The following AHCTF1 variants were observed in gnomAD, a reference collection of about 807,000 sequenced individuals.
The protein encoded by AHCTF1 is protein ELYS.
Under a neutral mutation model 248.4 loss-of-function variants are expected in AHCTF1, and 24 were observed. The observed-to-expected ratio is 0.10, with a 90% CI of 0.07 to 0.14. AHCTF1 has a LOEUF of 0.14. AHCTF1 is among the 10% of genes least tolerant of loss of function. The pLI, the probability that AHCTF1 is intolerant of heterozygous loss-of-function variation, is 1.00. For missense variants in AHCTF1, 2,206 were observed against 2,636.2 expected (o/e 0.84, Z 3.57); for synonymous variants, 786 against 929.8 (o/e 0.85, Z 2.81).
intron 21 of AHCTF1, among the ~76,000 whole-genome samples, chr1:246,879,497 T>C (rs1482972404): frequency 6.6e-6 from 1 of 152,106 alleles, no homozygotes; most frequent in Non-Finnish European, 1.5e-5. Context: ...TGGCTAAAGG[T>C]TGAAACAACC....
At chr1:246,901,198 G>A (rs769753380) in intron 8 of AHCTF1, among the ~76,000 whole-genome samples, 2 of 152,046 alleles carry the variant, frequency 1.3e-5, no homozygotes, top group Non-Finnish European at 2.9e-5. Context: ...AAAATTAGCC[G>A]GGCATTGTGG....
chr1:246,868,807 C>G (rs532932126), intron 24 of AHCTF1, among the ~76,000 whole-genome samples: 1 of 150,668 alleles, frequency 6.6e-6, no homozygotes, highest in African/African-American at 2.4e-5. Context: ...AGGTCTACCT[C>G]ATTTTATTGT....
At chr1:246,843,988 A>T (rs1660067471) in intron 33 of AHCTF1, 60 bp from the exon 34 acceptor site, 1 of 1,169,654 alleles carries the variant, frequency 8.5e-7, no homozygotes, top group Non-Finnish European at 1.1e-6. Flanking sequence ...ATATATAAAC[A>T]CAATAAAAAC....
At chr1:246,907,828 T>C in intron 4 of AHCTF1, 70 bp from the exon 5 acceptor site, 1 of 1,292,020 alleles carries the variant, frequency 7.7e-7, no homozygotes, top group Non-Finnish European at 1.1e-6. Context: ...ATGTCATCCA[T>C]TATTCAAGCT....
intron 31 of AHCTF1, 148 bp from the exon 32 acceptor site, chr1:246,853,447 A>G (rs1426758913): frequency 1.7e-6 from 1 of 597,612 alleles, no homozygotes. Context: ...AACTTCTTAA[A>G]CAATACACAC....
rs1008589172 is a variant in AHCTF1, at chr1:246,905,476, A to G, written c.881+65T>C. The G allele has an allele frequency of 5.0e-5, 66 of 1,321,954 alleles. No homozygotes were observed. In the African/African-American group the frequency reaches 7.8e-4, roughly 16 times the overall value. 81.9% of individuals were successfully genotyped at this position (1,321,954 alleles called of 1,614,324 possible). Reference sequence around the variant, plus strand: ...CACGCCACTGCACTCCAGCCTGGACAACAGAGCGAGACTCTGTCTCCAAAA... The same window carrying G: ...CACGCCACTGCACTCCAGCCTGGACGACAGAGCGAGACTCTGTCTCCAAAA... On this transcript the variant is annotated intron_variant, in intron 6 of 35. Transcript: ENST00000648844.
At position 246,888,496 on chromosome 1, in the gene AHCTF1, G is replaced by A. The variant is rs1205112766; in HGVS notation, c.2166C>T (p.Cys722=). 1.9e-6 allele frequency: 3 copies of A among 1,613,744 alleles called. No homozygotes were observed. Among genetic ancestry groups the A allele is most frequent in the South Asian group, 2.2e-5 (2 of 91,066 alleles). The change falls in exon 18 of 36, where the codon TGC becomes TGT. Residue 722 remains cysteine (C), a synonymous_variant. Coordinates refer to ENST00000648844, the MANE Select transcript of AHCTF1 (RefSeq NM_001323342.2). Reference sequence around the variant, plus strand: ...GAGAAACCAGTCCATCAATCATCAAGCAATCGGGATTCCACTTCCCTCTGC... The same window carrying A: ...GAGAAACCAGTCCATCAATCATCAAACAATCGGGATTCCACTTCCCTCTGC... ...RLSRGKWNPD[C]LMIDGLVSQL... is the part of the protein sequence containing the mutation.
intron 24 of AHCTF1, among the ~76,000 whole-genome samples, chr1:246,869,256 C>T (rs368246638): frequency 2.0e-5 from 3 of 152,176 alleles, no homozygotes; most frequent in East Asian, 1.9e-4. Flanking sequence ...AACTGTTCCC[C>T]CGCGTCTCTC....
chr1:246,902,433 G>C, intron 8 of AHCTF1, 92 bp downstream of exon 8: 1 of 1,455,558 alleles, frequency 6.9e-7, no homozygotes. Flanking sequence ...CCAATTTTCT[G>C]AACTGCCAGG....
chr1:246,918,594 C>T (rs954521287), intron 1 of AHCTF1, among the ~76,000 whole-genome samples: 2 of 152,144 alleles, frequency 1.3e-5, no homozygotes, highest in African/African-American at 4.8e-5. Context: ...CCCAGAAGTT[C>T]GAGGCTGCGC....
intron 14 of AHCTF1, among the ~76,000 whole-genome samples, chr1:246,893,070 A>G (rs118170973): frequency 6.6e-6 from 1 of 152,198 alleles, no homozygotes; most frequent in Non-Finnish European, 1.5e-5. Context: ...CTGAACTACC[A>G]AGTTAAACCC....
intron 16 of AHCTF1, among the ~76,000 whole-genome samples, chr1:246,890,558 A>ATTTAATT (rs1356454587): frequency 6.6e-6 from 1 of 152,108 alleles, no homozygotes; most frequent in East Asian, 1.9e-4. Context: ...ACTAGATAAA[A>ATTTAATT]GGGGGTATTT....
chr1:246,886,640 T>C (rs1333844194), intron 20 of AHCTF1, among the ~76,000 whole-genome samples: 2 of 152,136 alleles, frequency 1.3e-5, no homozygotes, highest in Non-Finnish European at 2.9e-5. Flanking sequence ...GCCACGGATG[T>C]AGAATCCATG....
chr1:246,861,400 A>C, intron 28 of AHCTF1, 105 bp from the exon 29 acceptor site: 1 of 1,056,434 alleles, frequency 9.5e-7, no homozygotes, highest in Non-Finnish European at 1.3e-6. Flanking sequence ...TGTTGTTTTT[A>C]CCCAAATTCT....
chr1:246,857,452 CA>C (rs1205580020), intron 30 of AHCTF1, among the ~76,000 whole-genome samples: 3 of 152,182 alleles, frequency 2.0e-5, no homozygotes, highest in African/African-American at 7.2e-5. Flanking sequence ...TCAACAAAAA[CA>C]GAATCACCAG....
chr1:246,905,760 C>T lies in AHCTF1; in HGVS notation c.765-103G>A, dbSNP rs1665344282. 7 of 795,924 alleles carry T rather than the reference C, an allele frequency of 8.8e-6. No homozygotes were observed. The South Asian group carries it at 1.0e-4, about 12-fold the overall frequency. 49.3% of individuals were successfully genotyped at this position (795,924 alleles called of 1,614,324 possible). A position where few individuals can be genotyped will look rare whatever the true frequency, so the allele number is the denominator to read the frequency against. On this transcript the variant is annotated intron_variant, in intron 5 of 35. Transcript: ENST00000648844. ...TTAGGCAACCACTGTTCCTACACTT[C>T]CCCAGAATAAGTGATCTGTGGGCCA...
chr1:246,853,318 A>C lies in AHCTF1; in HGVS notation c.4355-19T>G. The C allele has an allele frequency of 1.3e-6, 2 of 1,585,266 alleles. No individual in the cohort carries two copies. Among genetic ancestry groups the C allele is most frequent in the Non-Finnish European group, 1.7e-6 (2 of 1,162,066 alleles). ...GCCATAGCTGAAAGAAAAATGAGTG[A>C]ATTTTTTACATTTAAACTGAAAAAT... On this transcript the variant is annotated intron_variant, in intron 31 of 35. Coordinates refer to ENST00000648844, the MANE Select transcript of AHCTF1 (RefSeq NM_001323342.2).
intron 29 of AHCTF1, 99 bp downstream of exon 29, chr1:246,860,800 C>T (rs970958252): frequency 2.1e-6 from 3 of 1,463,284 alleles, no homozygotes; most frequent in Non-Finnish European, 2.8e-6. Context: ...AGCCACAGTA[C>T]CTGGCTAGGA....
At chr1:246,926,039 C>T (rs1036200470) in intron 1 of AHCTF1, among the ~76,000 whole-genome samples, 20 of 136,598 alleles carry the variant, frequency 1.5e-4, no homozygotes, top group African/African-American at 5.4e-4. Context: ...CAGTGAGACC[C>T]TGTCTTTAAA....
Sources: gnomAD v4.1 joint callset for allele counts (sites outside exome capture counted in the v4.1 genomes callset) on GRCh38, gnomAD v4.1.1 for gene constraint, MANE v1.5 for transcripts, NCBI Gene and HGNC (gene_info 2026-07-23, HGNC 2026-07-21) for gene names.